The following PCDHA6 variants were observed in gnomAD, a reference collection of about 807,000 sequenced individuals.
PCDHA6 encodes the protein protocadherin alpha 6.
In PCDHA6, 55 loss-of-function variants were observed where a neutral mutation model predicts 60.3. The observed-to-expected ratio is 0.91, with a 90% CI of 0.73 to 1.14. PCDHA6 has a LOEUF of 1.14. Among genes scored for constraint, PCDHA6 ranks in the 50% most tolerant of loss-of-function variants. PCDHA6 has a pLI of 0.00. For synonymous variants in PCDHA6, 652 were observed against 557.9 expected, an observed-to-expected ratio of 1.17 and a Z score of -2.38; for missense variants, 1,327 against 1,256.5, an observed-to-expected ratio of 1.06 and a Z score of -0.85.
intron 1 of PCDHA6, chr5:140,848,924 G>A (rs2150425105): frequency 3.1e-6 from 5 of 1,607,706 alleles, no homozygotes; most frequent in Admixed American, 1.7e-5. Context: ...TGTTCATCGC[G>A]GAATCCAGGC....
At chr5:140,836,605 G>A (rs2150265383) in intron 1 of PCDHA6, 1 of 1,613,738 alleles carries the variant, frequency 6.2e-7, no homozygotes. Context: ...ACTCTGGTGT[G>A]CTCCAGCGCG....
In PCDHA6 at chr5:140,857,765, G is replaced by A. The variant is rs374400381; in HGVS notation, c.2394+27280G>A. The stretch of plus-strand genomic sequence containing the variant: ...GCTGGCGTCTCCCGCTGGCAGCGCG[G>A]GCGGTGCAGTCAGTGAGCTGGTGCT... On this transcript the variant is annotated intron_variant, in intron 1 of 3. Coordinates refer to ENST00000529310, the MANE Select transcript of PCDHA6 (RefSeq NM_018909.4). The A allele has an allele frequency of 6.1e-5, 98 of 1,597,608 alleles. 8 individuals are homozygous for A. In the African/African-American group the frequency reaches 1.2e-3, roughly 19 times the overall value.
In PCDHA6 at chr5:140,858,601, A is replaced by G. The variant is rs7341057; in HGVS notation, c.2394+28116A>G. On this transcript the variant is annotated intron_variant, in intron 1 of 3. Transcript: ENST00000529310. ...TAATATAATTTATTCCAGGAGTTTT[A>G]AAATTTTTTTATCCTACCCAGTGTG... 747 of 1,295,358 alleles carry G rather than the reference A, an allele frequency of 5.8e-4. 36 individuals carry two copies. The African/African-American group carries it at 0.01, about 18-fold the overall frequency. 80.2% of individuals were successfully genotyped at this position (1,295,358 alleles called of 1,614,324 possible).
chr5:140,993,177 C>A lies in PCDHA6; in HGVS notation c.2542+10614C>A, dbSNP rs551395516. ...CTAAATATTTGCCTTTGGGAAATTTCTTTAGAGGGAAACTCACTAAAGCTA... is the reference window on the plus strand; with the variant it reads ...CTAAATATTTGCCTTTGGGAAATTTATTTAGAGGGAAACTCACTAAAGCTA... On this transcript the variant is annotated intron_variant, in intron 3 of 3. Transcript: ENST00000529310. 6.6e-5 allele frequency among the ~76,000 whole-genome samples: 10 copies of A among 152,258 alleles called. No homozygotes were observed. In the East Asian group the frequency reaches 1.9e-3, roughly 29 times the overall value.
At chr5:140,964,862 A>G (rs560839818) in intron 1 of PCDHA6, among the ~76,000 whole-genome samples, 1 of 152,316 alleles carries the variant, frequency 6.6e-6, no homozygotes, top group South Asian at 2.1e-4. Context: ...GGAAACAAAG[A>G]GGACAAATAA....
In PCDHA6 at chr5:140,967,905, C is replaced by G. The variant is rs782291807; in HGVS notation, c.2395-11044C>G. ...AGCCCAGTGCCTGAGAATGCTACAC[C>G]CAACACCATTGTGGCCGTTCTCAGT... is the stretch of plus-strand genomic sequence containing the variant. On this transcript the variant is annotated intron_variant, in intron 1 of 3. Transcript: ENST00000529310. 36 of 1,614,168 alleles carry G rather than the reference C, an allele frequency of 2.2e-5. No homozygotes were observed. Among genetic ancestry groups the G allele is most frequent in the Non-Finnish European group, 2.8e-5 (33 of 1,180,028 alleles).
At chr5:140,867,109 A>G (rs2049756406) in intron 1 of PCDHA6, 3 of 152,146 alleles carry the variant, frequency 2.0e-5, no homozygotes, top group South Asian at 2.1e-4. Context: ...CTAAATTAAC[A>G]TATTGTTTTA....
At chr5:140,954,919 C>A (rs246021) in intron 1 of PCDHA6, among the ~76,000 whole-genome samples, 85,722 of 151,952 alleles carry the variant, frequency 0.56, 24,790 homozygotes, top group African/African-American at 0.69. Flanking sequence ...TTATGAATTA[C>A]GTCTTTAATT....
At chr5:140,883,288 A>G (rs781835023) in intron 1 of PCDHA6, 1 of 1,614,110 alleles carries the variant, frequency 6.2e-7, no homozygotes, top group Non-Finnish European at 8.5e-7. Context: ...TGGTGGAAGT[A>G]CTAGATGTAA....
intron 1 of PCDHA6, among the ~76,000 whole-genome samples, chr5:140,906,185 A>G (rs574875890): frequency 2.8e-4 from 43 of 152,270 alleles, no homozygotes; most frequent in African/African-American, 1.0e-3. Flanking sequence ...GCATCCTTCA[A>G]TCCAATCAAG....
At chr5:140,885,313 A>G (rs2060560221) in intron 1 of PCDHA6, among the ~76,000 whole-genome samples, 1 of 152,144 alleles carries the variant, frequency 6.6e-6, no homozygotes, top group East Asian at 1.9e-4. Flanking sequence ...GCTTTTTGTT[A>G]TTATTTCTTT....
chr5:140,830,232 C>A lies in PCDHA6; in HGVS notation c.2141C>A (p.Thr714Lys), dbSNP rs2150183147. 2 of 1,613,928 alleles carry A rather than the reference C, an allele frequency of 1.2e-6. No individual in the cohort carries two copies. Among genetic ancestry groups the A allele is most frequent in the East Asian group, 2.2e-5 (1 of 44,872 alleles). Residue 714 changes from threonine to lysine, a missense_variant, in exon 1 of 4, where the codon ACG becomes AAG. By Grantham distance (78) the Thr-to-Lys change is moderately conservative (BLOSUM62 -1). Transcript: ENST00000529310. ...GCGGTATCCAGCCTGCTGGTCCTCA[C>A]GCTACTGCTGTACACAGCGCTGCGG... ...ICAVSSLLVLTLLLYTALRCS... is the reference protein window; with the variant it reads ...ICAVSSLLVLKLLLYTALRCS...
chr5:140,925,124 A>AGGAAGGAAGGAAGGAAGGAAGG, intron 1 of PCDHA6, among the ~76,000 whole-genome samples: 1 of 151,856 alleles, frequency 6.6e-6, no homozygotes, highest in South Asian at 2.1e-4. Flanking sequence ...GAAGGAAGGA[A>AGGAAGGAAGGAAGGAAGGAAGG]AAAAAATTTC....
rs782673398 is a variant in PCDHA6, at chr5:140,875,932, C to A, written c.2394+45447C>A. ...TGCGCCTCTGGACTCTCATTTTCCTCTAGAGGGCGCTTCTGATGCGGATAT... is the reference window on the plus strand; with the variant it reads ...TGCGCCTCTGGACTCTCATTTTCCTATAGAGGGCGCTTCTGATGCGGATAT... On this transcript the variant is annotated intron_variant, in intron 1 of 3. Coordinates refer to ENST00000529310, the MANE Select transcript of PCDHA6 (RefSeq NM_018909.4). The A allele has an allele frequency of 3.1e-6, 5 of 1,614,154 alleles. No individual in the cohort carries two copies.
rs2150163481 is a variant in PCDHA6 at position 140,829,172 on chromosome 5, G to A, written c.1081G>A (p.Glu361Lys). The change falls in exon 1 of 4, where the codon GAA becomes AAA. Residue 361 changes from glutamate (E) to lysine (K), a missense_variant. Glu to Lys is a moderately conservative substitution (Grantham distance 56). Coordinates refer to ENST00000529310, the MANE Select transcript of PCDHA6 (RefSeq NM_018909.4). Reference protein sequence around the residue: ...ALTSLSLPVREDAQFGTVIAL... With the variant: ...ALTSLSLPVRKDAQFGTVIAL... ...GACTTCCTTATCCTTGCCTGTACGT[G>A]AAGACGCTCAATTTGGTACTGTCAT... 1.2e-6 allele frequency: 2 copies of A among 1,614,134 alleles called. No homozygotes were observed. The highest frequency in any genetic ancestry group is 4.5e-5 in the East Asian group (2 of 44,878).
At chr5:140,917,815 G>T (rs554230002) in intron 1 of PCDHA6, among the ~76,000 whole-genome samples, 1 of 152,018 alleles carries the variant, frequency 6.6e-6, no homozygotes, top group South Asian at 2.1e-4. Context: ...TATAGTTGAA[G>T]TTGGGTAGTG....
chr5:140,935,894 CT>C (rs55841305), intron 1 of PCDHA6, among the ~76,000 whole-genome samples: 1,605 of 136,716 alleles, frequency 0.012, 14 homozygotes, highest in Non-Finnish European at 0.016. Context: ...TCAATATTAT[CT>C]TTTTTTTTTT....
At chr5:140,975,520 T>G (rs2153807475) in intron 1 of PCDHA6, among the ~76,000 whole-genome samples, 1 of 152,342 alleles carries the variant, frequency 6.6e-6, no homozygotes, top group East Asian at 1.9e-4. Flanking sequence ...AAATCTGCAG[T>G]GGATATATTC....
At chr5:140,835,693 C>T (rs1773848999) in intron 1 of PCDHA6, 1 of 1,613,754 alleles carries the variant, frequency 6.2e-7, no homozygotes, top group African/African-American at 1.3e-5. Flanking sequence ...TCTCTGTGGG[C>T]CACTGCTAGC....
Sources: allele counts gnomAD v4.1 joint callset (sites outside exome capture counted in the v4.1 genomes callset), GRCh38; gene constraint gnomAD v4.1.1; transcripts MANE v1.5; gene names NCBI Gene and HGNC (gene_info 2026-07-23, HGNC 2026-07-21).